The following SYCP1 variants were observed in gnomAD, a reference collection of about 807,000 sequenced individuals.
The protein encoded by SYCP1 is cancer/testis antigen 8.
Under a neutral mutation model 153.1 loss-of-function variants are expected in SYCP1, and 64 were observed. That is an observed-to-expected ratio of 0.42 (90% confidence interval 0.34 to 0.51). SYCP1 has a LOEUF of 0.51. Ranked by LOEUF, SYCP1 falls within the 20% of genes least tolerant of loss-of-function variation. The pLI, the probability that SYCP1 is intolerant of heterozygous loss-of-function variation, is 0.06. For missense variants in SYCP1, 997 were observed against 1,049.0 expected (o/e 0.95, Z 0.68); for synonymous variants, 384 against 341.8 (o/e 1.12, Z -1.36).
chr1:114,967,688 G>A (rs980296267), intron 27 of SYCP1, among the ~76,000 whole-genome samples: 1 of 152,156 alleles, frequency 6.6e-6, no homozygotes, highest in African/African-American at 2.4e-5. Flanking sequence ...TACATTTAAG[G>A]TTAATATTGT....
chr1:114,856,167 T>A (rs2101242780), intron 2 of SYCP1, among the ~76,000 whole-genome samples: 1 of 152,354 alleles, frequency 6.6e-6, no homozygotes, highest in East Asian at 1.9e-4. Context: ...TACTTGTATA[T>A]GCTGTAAAAC....
chr1:114,982,959 T>TAAAG (rs1673261770), intron 29 of SYCP1, among the ~76,000 whole-genome samples: 2 of 152,108 alleles, frequency 1.3e-5, no homozygotes, highest in African/African-American at 4.8e-5. Context: ...TGAGTGCCAC[T>TAAAG]AAAGGTTCTC....
rs539484646 is a variant in SYCP1, at chr1:114,976,197, A to G, written c.2323-1360A>G. Among the ~76,000 whole-genome samples the G allele has an allele frequency of 3.3e-5, 5 of 151,904 alleles. No homozygotes were observed. In the South Asian group the frequency reaches 1.0e-3, roughly 31 times the overall value. ...TGTGATATTATTTCAGAACTTTTCC[A>G]CTAGAGTACCAGGCTTCCTTTTTAT... On this transcript the variant is annotated intron_variant, in intron 27 of 31. Transcript: ENST00000369522.
intron 27 of SYCP1, among the ~76,000 whole-genome samples, chr1:114,952,355 G>T (rs528535283): frequency 5.8e-4 from 88 of 152,184 alleles, no homozygotes; most frequent in Middle Eastern, 3.4e-3. Flanking sequence ...ATTCCTGTAG[G>T]TTTGTAGTCA....
At chr1:114,958,784 G>T (rs1211288087) in intron 27 of SYCP1, among the ~76,000 whole-genome samples, 1 of 142,910 alleles carries the variant, frequency 7.0e-6, no homozygotes, top group African/African-American at 2.6e-5. Flanking sequence ...AAAAAAATTA[G>T]CCGGGCATGG....
chr1:114,955,475 T>G (rs1356932128), intron 27 of SYCP1, among the ~76,000 whole-genome samples: 2 of 152,230 alleles, frequency 1.3e-5, no homozygotes, highest in East Asian at 3.8e-4. Flanking sequence ...AAATTGGTGT[T>G]AATTTTTCTT....
chr1:114,866,459 A>T (rs576063307), intron 8 of SYCP1, among the ~76,000 whole-genome samples: 1 of 152,050 alleles, frequency 6.6e-6, no homozygotes, highest in African/African-American at 2.4e-5. Context: ...TCATGTGATT[A>T]TTTGCCATCT....
intron 12 of SYCP1, among the ~76,000 whole-genome samples, chr1:114,881,541 T>TTCCTTCCTTCC (rs1557767728): frequency 9.9e-5 from 15 of 151,694 alleles, no homozygotes; most frequent in Admixed American, 2.6e-4. Context: ...CCTTCCTTCC[T>TTCCTTCCTTCC]TTCTTGATGG....
At chr1:114,878,698 C>A (rs955563096) in intron 12 of SYCP1, among the ~76,000 whole-genome samples, 2 of 152,116 alleles carry the variant, frequency 1.3e-5, no homozygotes, top group Middle Eastern at 3.2e-3. Flanking sequence ...TGTGTACCAC[C>A]ACGCCTGGCT....
At chr1:114,867,051 T>C (rs1664801233) in intron 8 of SYCP1, among the ~76,000 whole-genome samples, 1 of 152,130 alleles carries the variant, frequency 6.6e-6, no homozygotes. Context: ...TTGTCAAAGA[T>C]CAGTTGACTA....
intron 15 of SYCP1, among the ~76,000 whole-genome samples, chr1:114,891,506 G>A (rs867640709): frequency 2.0e-5 from 3 of 152,186 alleles, no homozygotes; most frequent in Non-Finnish European, 2.9e-5. Flanking sequence ...AAGAGTGGGA[G>A]TACTGCATAC....
At position 114,962,564 on chromosome 1, in the gene SYCP1, T is replaced by C. The variant is rs567650936; in HGVS notation, c.2323-14993T>C. Among the ~76,000 whole-genome samples, 125 of 152,312 alleles carry C rather than the reference T, an allele frequency of 8.2e-4. 1 individual carries two copies. The highest frequency in any genetic ancestry group is 5.2e-3 in the South Asian group (25 of 4,830). On this transcript the variant is annotated intron_variant, in intron 27 of 31. Transcript: ENST00000369522. Reference sequence around the variant, plus strand: ...TTTATGTGAGTCTGTATGTGTTATGTTAGGTGAGTCCCTTAAAGACAGCAC... The same window carrying C: ...TTTATGTGAGTCTGTATGTGTTATGCTAGGTGAGTCCCTTAAAGACAGCAC...
At chr1:114,865,619 G>A (rs1664690526) in intron 8 of SYCP1, among the ~76,000 whole-genome samples, 3 of 152,098 alleles carry the variant, frequency 2.0e-5, no homozygotes, top group Non-Finnish European at 4.4e-5. Context: ...TTTGCCCCAT[G>A]CATCTATAGC....
intron 15 of SYCP1, among the ~76,000 whole-genome samples, chr1:114,891,321 T>C (rs1257199442): frequency 1.3e-5 from 2 of 152,212 alleles, no homozygotes; most frequent in Non-Finnish European, 2.9e-5. Context: ...TACAATAGCT[T>C]GAGAATCAGT....
At position 114,935,470 on chromosome 1, in the gene SYCP1, G is replaced by C. The variant is rs1478463089; in HGVS notation, c.1927-8869G>C. ...AAGAAAGCAGGAAAGATCTAAAATT[G>C]ACACCCTAACATCACAATTAAAAGA... On this transcript the variant is annotated intron_variant, in intron 23 of 31. Coordinates refer to ENST00000369522, the MANE Select transcript of SYCP1 (RefSeq NM_003176.4). 6.6e-5 allele frequency among the ~76,000 whole-genome samples: 10 copies of C among 152,264 alleles called. No homozygotes were observed. In the South Asian group the frequency reaches 1.5e-3, roughly 22 times the overall value.
intron 16 of SYCP1, among the ~76,000 whole-genome samples, chr1:114,896,005 A>ATATG (rs1394592868): frequency 6.6e-6 from 1 of 152,152 alleles, no homozygotes; most frequent in Non-Finnish European, 1.5e-5. Flanking sequence ...TGTGGGCCAT[A>ATATG]CATGGTCTCT....
chr1:114,906,954 GTTTA>G (rs1392235622), intron 16 of SYCP1, among the ~76,000 whole-genome samples: 1 of 152,006 alleles, frequency 6.6e-6, no homozygotes, highest in Non-Finnish European at 1.5e-5. Flanking sequence ...TTTTGGAATT[GTTTA>G]TTTATCTATT....
At chr1:114,880,466 G>A (rs1436663131) in intron 12 of SYCP1, among the ~76,000 whole-genome samples, 1 of 152,138 alleles carries the variant, frequency 6.6e-6, no homozygotes, top group East Asian at 1.9e-4. Context: ...TCCCGATGAT[G>A]TTGTCTTTTC....
At chr1:114,881,538 T>G (rs1665937932) in intron 12 of SYCP1, among the ~76,000 whole-genome samples, 1 of 151,672 alleles carries the variant, frequency 6.6e-6, no homozygotes, top group African/African-American at 2.4e-5. Flanking sequence ...CTTCCTTCCT[T>G]CCTTTCTTGA....
Sources: gnomAD v4.1 joint callset for allele counts (sites outside exome capture counted in the v4.1 genomes callset) on GRCh38, gnomAD v4.1.1 for gene constraint, MANE v1.5 for transcripts, NCBI Gene and HGNC (gene_info 2026-07-23, HGNC 2026-07-21) for gene names.